CTNNA3: variants seen among roughly 807,000 people sequenced by gnomAD.
CTNNA3 encodes the protein catenin alpha-3.
In CTNNA3, 76 loss-of-function variants were observed where a neutral mutation model predicts 95.7. That is an observed-to-expected ratio of 0.79 (90% CI 0.66 to 0.96). The LOEUF is 0.96. Ranked by LOEUF, CTNNA3 falls within the 40% of genes least tolerant of loss-of-function variation. CTNNA3 has a pLI of 0.00. For missense variants in CTNNA3, 1,191 were observed against 1,089.8 expected, an observed-to-expected ratio of 1.09 and a Z score of -1.31; for synonymous variants, 431 against 374.4, an observed-to-expected ratio of 1.15 and a Z score of -1.74.
intron 14 of CTNNA3, among the ~76,000 whole-genome samples, chr10:66,069,695 T>G (rs564599006): frequency 6.6e-6 from 1 of 152,206 alleles, no homozygotes; most frequent in Non-Finnish European, 1.5e-5. Flanking sequence ...AGAACTATAA[T>G]GTTACATTTA....
intron 5 of CTNNA3, among the ~76,000 whole-genome samples, chr10:67,398,606 A>G (rs539942014): frequency 6.6e-4 from 101 of 152,258 alleles, no homozygotes; most frequent in African/African-American, 2.4e-3. Flanking sequence ...TTAAAATGTG[A>G]TGACACAAGA....
chr10:65,945,935 C>T (rs80108846), intron 17 of CTNNA3, among the ~76,000 whole-genome samples: 2,485 of 152,196 alleles, frequency 0.016, 62 homozygotes, highest in African/African-American at 0.057. Context: ...GTTTCATCTG[C>T]TCAAAGGGAA....
chr10:67,521,181 T>C (rs1376157962), intron 5 of CTNNA3, among the ~76,000 whole-genome samples: 2 of 152,158 alleles, frequency 1.3e-5, no homozygotes, highest in Non-Finnish European at 2.9e-5. Context: ...TGAGCTACTG[T>C]GGCAGTGTCT....
At chr10:66,761,237 G>A (rs570836677) in intron 9 of CTNNA3, among the ~76,000 whole-genome samples, 45 of 152,152 alleles carry the variant, frequency 3.0e-4, no homozygotes, top group Admixed American at 2.2e-3. Context: ...ACCATTTTGC[G>A]AGTGGGAACA....
At chr10:67,441,977 A>G (rs1228097216) in intron 5 of CTNNA3, among the ~76,000 whole-genome samples, 1 of 152,188 alleles carries the variant, frequency 6.6e-6, no homozygotes, top group Non-Finnish European at 1.5e-5. Flanking sequence ...AATCAAAAAT[A>G]ATTACTACAA....
intron 1 of CTNNA3, among the ~76,000 whole-genome samples, chr10:67,716,983 G>A (rs940104395): frequency 2.0e-5 from 3 of 152,166 alleles, no homozygotes; most frequent in Non-Finnish European, 2.9e-5. Flanking sequence ...TCCAGCATCT[G>A]TTGTTTCCTG....
intron 17 of CTNNA3, among the ~76,000 whole-genome samples, chr10:65,928,005 C>T (rs923422754): frequency 6.6e-6 from 1 of 152,094 alleles, no homozygotes; most frequent in Non-Finnish European, 1.5e-5. Flanking sequence ...TTTTGATGAG[C>T]ATAAAGAGAA....
At chr10:67,201,452 C>CT (rs938746524) in intron 6 of CTNNA3, among the ~76,000 whole-genome samples, 80 of 149,562 alleles carry the variant, frequency 5.3e-4, no homozygotes, top group Non-Finnish European at 1.0e-3. Context: ...TATGTCTATT[C>CT]TTTTTTTTTT....
intron 11 of CTNNA3, among the ~76,000 whole-genome samples, chr10:66,443,682 A>G (rs937133101): frequency 3.3e-5 from 5 of 152,084 alleles, no homozygotes; most frequent in African/African-American, 4.8e-5. Flanking sequence ...GTACGTTGCC[A>G]TCATCAAAGA....
At chr10:66,600,414 C>T (rs932574684) in intron 10 of CTNNA3, among the ~76,000 whole-genome samples, 1 of 151,756 alleles carries the variant, frequency 6.6e-6, no homozygotes, top group Non-Finnish European at 1.5e-5. Flanking sequence ...TTGAAATATA[C>T]ACTTTTATAC....
At chr10:66,065,694 C>T (rs904652556) in intron 15 of CTNNA3, among the ~76,000 whole-genome samples, 21 of 151,892 alleles carry the variant, frequency 1.4e-4, no homozygotes, top group Admixed American at 1.3e-4. Context: ...TTTCTCTGCC[C>T]ACTTCTTCAA....
At chr10:66,104,446 A>T (rs536172109) in intron 13 of CTNNA3, among the ~76,000 whole-genome samples, 1 of 151,988 alleles carries the variant, frequency 6.6e-6, no homozygotes, top group Non-Finnish European at 1.5e-5. Context: ...AACTTAATAT[A>T]TTTTTTTTAT....
intron 9 of CTNNA3, among the ~76,000 whole-genome samples, chr10:66,701,765 A>G (rs925254997): frequency 1.3e-5 from 2 of 152,152 alleles, no homozygotes; most frequent in African/African-American, 4.8e-5. Flanking sequence ...TATCCAATAC[A>G]CTTGGAATCA....
intron 7 of CTNNA3, among the ~76,000 whole-genome samples, chr10:67,123,475 T>C (rs1859564529): frequency 6.6e-6 from 1 of 152,178 alleles, no homozygotes; most frequent in Admixed American, 6.5e-5. Context: ...ACACCATTAT[T>C]TAATTTTATT....
At chr10:66,286,952 A>G (rs1313918445) in intron 12 of CTNNA3, among the ~76,000 whole-genome samples, 14 of 152,042 alleles carry the variant, frequency 9.2e-5, no homozygotes, top group Non-Finnish European at 1.9e-4. Context: ...TACATAATAG[A>G]TGTACATATT....
intron 7 of CTNNA3, among the ~76,000 whole-genome samples, chr10:66,878,583 G>T (rs973936868): frequency 2.6e-5 from 4 of 152,030 alleles, no homozygotes; most frequent in Admixed American, 6.6e-5. Flanking sequence ...AAATGGAGCT[G>T]CCCTCTGCCT....
chr10:66,224,671 T>C (rs1309059269), intron 13 of CTNNA3, among the ~76,000 whole-genome samples: 1 of 152,150 alleles, frequency 6.6e-6, no homozygotes, highest in Non-Finnish European at 1.5e-5. Flanking sequence ...ATAGGCTTCC[T>C]TAAGTACTAA....
chr10:67,670,457 C>T (rs1043483892), intron 1 of CTNNA3, among the ~76,000 whole-genome samples: 5 of 152,194 alleles, frequency 3.3e-5, no homozygotes, highest in African/African-American at 1.2e-4. Flanking sequence ...TAAATTAAAA[C>T]TATAACATCA....
intron 13 of CTNNA3, among the ~76,000 whole-genome samples, chr10:66,255,085 G>T (rs1161741530): frequency 1.3e-5 from 2 of 152,190 alleles, no homozygotes; most frequent in African/African-American, 4.8e-5. Flanking sequence ...GACACAATCT[G>T]CTGGTTGTGG....
Sources: allele counts gnomAD v4.1 joint callset (sites outside exome capture counted in the v4.1 genomes callset), GRCh38; gene constraint gnomAD v4.1.1; transcripts MANE v1.5; gene names NCBI Gene and HGNC (gene_info 2026-07-23, HGNC 2026-07-21).